The following TMEM132D variants were observed in gnomAD, a reference collection of about 807,000 sequenced individuals.
TMEM132D encodes the protein transmembrane protein 132D.
Under a neutral mutation model 62.3 loss-of-function variants are expected in TMEM132D, and 21 were observed. That is an observed-to-expected ratio of 0.34 (90% CI 0.24 to 0.49). The LOEUF (loss-of-function observed/expected upper bound fraction) is 0.49, where lower values mean the gene tolerates loss of function less well. Among genes scored for constraint, TMEM132D ranks in the 20% least tolerant of loss-of-function variants. The pLI is 0.99. For synonymous variants in TMEM132D, 621 were observed against 575.6 expected, an observed-to-expected ratio of 1.08 and a Z score of -1.13; for missense variants, 1,346 against 1,402.8, an observed-to-expected ratio of 0.96 and a Z score of 0.65.
intron 3 of TMEM132D, among the ~76,000 whole-genome samples, chr12:129,432,171 A>ATGCT (rs1209685426): frequency 5.1e-4 from 73 of 143,172 alleles, no homozygotes; most frequent in African/African-American, 1.3e-3. Flanking sequence ...GGATGGATGG[A>ATGCT]TGGATGGATG....
intron 3 of TMEM132D, among the ~76,000 whole-genome samples, chr12:129,358,766 C>T (rs547684229): frequency 6.6e-6 from 1 of 152,106 alleles, no homozygotes; most frequent in Admixed American, 6.5e-5. Flanking sequence ...GATGTGAACC[C>T]CAATGAAGAA....
chr12:129,213,938 T>A (rs766205105), intron 4 of TMEM132D, among the ~76,000 whole-genome samples: 3 of 152,218 alleles, frequency 2.0e-5, no homozygotes, highest in Admixed American at 6.5e-5. Context: ...ATGATGTATT[T>A]CCCTGCAGGG....
chr12:129,391,885 T>C (rs1255680631), intron 3 of TMEM132D, among the ~76,000 whole-genome samples: 1 of 151,110 alleles, frequency 6.6e-6, no homozygotes, highest in African/African-American at 2.4e-5. Context: ...GCCTCCCGAG[T>C]ATCTGGGATT....
At chr12:129,844,642 GC>G (rs1873302661) in intron 1 of TMEM132D, among the ~76,000 whole-genome samples, 2 of 152,170 alleles carry the variant, frequency 1.3e-5, no homozygotes, top group African/African-American at 4.8e-5. Flanking sequence ...ACGATGCTGT[GC>G]TTGGAGAAAT....
chr12:129,524,617 A>G (rs1875956894), intron 3 of TMEM132D, among the ~76,000 whole-genome samples: 1 of 152,142 alleles, frequency 6.6e-6, no homozygotes, highest in Non-Finnish European at 1.5e-5. Flanking sequence ...CTCCAGATTG[A>G]TGGCTAAGCT....
intron 2 of TMEM132D, among the ~76,000 whole-genome samples, chr12:129,608,657 G>A (rs1272079344): frequency 1.3e-5 from 2 of 152,178 alleles, no homozygotes; most frequent in Admixed American, 6.5e-5. Flanking sequence ...AGAAAAGCAG[G>A]TAGCCTCTTT....
At chr12:129,603,871 T>C (rs12146779) in intron 2 of TMEM132D, among the ~76,000 whole-genome samples, 16,562 of 152,176 alleles carry the variant, frequency 0.11, 1,150 homozygotes, top group South Asian at 0.18. Context: ...CATGCACACA[T>C]ATATTTACTG....
chr12:129,143,399 C>T (rs985809708), intron 5 of TMEM132D, among the ~76,000 whole-genome samples: 33 of 152,292 alleles, frequency 2.2e-4, no homozygotes, highest in South Asian at 8.3e-4. Flanking sequence ...GAAATCTCCA[C>T]GTGTTCTGTG....
chr12:129,082,291 T>C lies in TMEM132D; in HGVS notation c.1650-259A>G, dbSNP rs556411044. Among the ~76,000 whole-genome samples, 3 of 152,282 alleles carry C rather than the reference T, an allele frequency of 2.0e-5. No individual in the cohort carries two copies. In the East Asian group the frequency reaches 5.8e-4, roughly 29 times the overall value. On this transcript the variant is annotated intron_variant, in intron 6 of 8. Coordinates refer to ENST00000422113, the MANE Select transcript of TMEM132D (RefSeq NM_133448.3). ...ACCTCCTGGTGAGGGGTTTACTACTTTGTGTAAACCTCTCCCTTTGAGTGT... is the reference window on the plus strand; with the variant it reads ...ACCTCCTGGTGAGGGGTTTACTACTCTGTGTAAACCTCTCCCTTTGAGTGT...
chr12:129,891,462 G>T (rs1021133352), intron 1 of TMEM132D, among the ~76,000 whole-genome samples: 1 of 152,192 alleles, frequency 6.6e-6, no homozygotes, highest in South Asian at 2.1e-4. Context: ...AGGAAATGCC[G>T]TTGGGTGCGG....
chr12:129,587,711 C>T (rs914104264), intron 2 of TMEM132D, among the ~76,000 whole-genome samples: 1 of 152,148 alleles, frequency 6.6e-6, no homozygotes, highest in Non-Finnish European at 1.5e-5. Flanking sequence ...CTCTCACCAT[C>T]CCTATTCAAT....
At chr12:129,570,705 T>TCTGGTAGGA (rs1280269838) in intron 2 of TMEM132D, among the ~76,000 whole-genome samples, 1 of 152,242 alleles carries the variant, frequency 6.6e-6, no homozygotes, top group Non-Finnish European at 1.5e-5. Context: ...GGTGGTTGAT[T>TCTGGTAGGA]CTGGTAGGAT....
At chr12:129,852,950 C>T (rs1053195111) in intron 1 of TMEM132D, 1 of 152,182 alleles carries the variant, frequency 6.6e-6, no homozygotes, top group African/African-American at 2.4e-5. Flanking sequence ...ATAAATTATG[C>T]AGCAATAAAA....
intron 3 of TMEM132D, among the ~76,000 whole-genome samples, chr12:129,467,746 AC>A (rs1447596361): frequency 6.6e-6 from 1 of 152,142 alleles, no homozygotes; most frequent in Non-Finnish European, 1.5e-5. Context: ...CTGTGCTTGA[AC>A]AGCTGTAATG....
chr12:129,902,752 A>T (rs1363522119), intron 1 of TMEM132D, among the ~76,000 whole-genome samples: 1 of 151,848 alleles, frequency 6.6e-6, no homozygotes, highest in African/African-American at 2.4e-5. Context: ...GCCGCCCCCC[A>T]GGCTATATTT....
At chr12:129,260,673 T>C (rs949853368) in intron 4 of TMEM132D, among the ~76,000 whole-genome samples, 3 of 152,184 alleles carry the variant, frequency 2.0e-5, no homozygotes, top group Non-Finnish European at 2.9e-5. Flanking sequence ...ACTCTCAACC[T>C]TTCCCTGTGA....
At chr12:129,718,559 C>G (rs1473925210) in intron 1 of TMEM132D, among the ~76,000 whole-genome samples, 5 of 152,004 alleles carry the variant, frequency 3.3e-5, no homozygotes, top group Non-Finnish European at 7.4e-5. Context: ...TTATGAAGGC[C>G]TTTTATGGAG....
At chr12:129,745,257 T>C (rs1016785815) in intron 1 of TMEM132D, among the ~76,000 whole-genome samples, 1 of 152,246 alleles carries the variant, frequency 6.6e-6, no homozygotes, top group African/African-American at 2.4e-5. Flanking sequence ...TCTTAGAGAC[T>C]GGCTGGAAGT....
Position 129,664,421 on chromosome 12 carries a change from A to ATTTTTTTT in TMEM132D, c.968+35381_968+35388dup, listed in dbSNP as rs34308998. Among the ~76,000 whole-genome samples the ATTTTTTTT allele has an allele frequency of 1.1e-3, 127 of 114,238 alleles. 2 individuals carry two copies. The highest frequency in any genetic ancestry group is 3.7e-3 in the African/African-American group (114 of 30,486). The allele number at this position is 114,238 out of a possible 152,430, so 74.9% of individuals were successfully genotyped here. A position where few individuals can be genotyped will look rare whatever the true frequency, so the allele number is the denominator to read the frequency against. On this transcript the variant is annotated intron_variant, in intron 2 of 8. Coordinates refer to ENST00000422113, the MANE Select transcript of TMEM132D (RefSeq NM_133448.3). ...ATCTTGACATTCTACAATTACAAGA[A>ATTTTTTTT]TTTTTTTTTTTTTTTTTTTTTGAGA... is the stretch of plus-strand genomic sequence containing the variant.
Sources: gnomAD v4.1 joint callset for allele counts (sites outside exome capture counted in the v4.1 genomes callset) on GRCh38, gnomAD v4.1.1 for gene constraint, MANE v1.5 for transcripts, NCBI Gene and HGNC (gene_info 2026-07-23, HGNC 2026-07-21) for gene names.